The following MYO15A variants were observed in gnomAD, a reference collection of about 807,000 sequenced individuals.
MYO15A encodes the protein unconventional myosin-XV.
Under a neutral mutation model 394.6 loss-of-function variants are expected in MYO15A, and 308 were observed. That is an observed-to-expected ratio of 0.78 (90% CI 0.71 to 0.86). The LOEUF (loss-of-function observed/expected upper bound fraction) is 0.86. Ranked by LOEUF, MYO15A falls within the 40% of genes least tolerant of loss-of-function variation. The probability of loss-of-function intolerance (pLI) is 0.00; values close to 1 mark genes in which losing one functional copy is unlikely to be tolerated. For missense variants in MYO15A, 4,606 were observed against 4,799.1 expected (o/e 0.96, Z 1.19); for synonymous variants, 1,957 against 2,003.8 (o/e 0.98, Z 0.62).
In MYO15A at chr17:18,150,052, C is replaced by T. The variant is rs1473230669; in HGVS notation, c.7213-377C>T. On this transcript the variant is annotated intron_variant, in intron 35 of 65. Transcript: ENST00000647165. This position sits in a 1 kb window ranked among gnomAD's most constrained non-coding sequence, Gnocchi z 4.4. ...TCTCTATCTGGATGGAGTTGAATGACCTTGGTCCCCGGGTCTTCTAGCCCC... is the reference window on the plus strand; with the variant it reads ...TCTCTATCTGGATGGAGTTGAATGATCTTGGTCCCCGGGTCTTCTAGCCCC... 2 of 345,196 alleles carry T rather than the reference C, an allele frequency of 5.8e-6. No homozygotes were observed. The highest frequency in any genetic ancestry group is 1.1e-5 in the Non-Finnish European group (2 of 183,434). The allele number at this position is 345,196 out of a possible 1,614,324, so 21.4% of individuals were successfully genotyped here.
At chr17:18,113,454 A>T (rs989429304) in intron 1 of MYO15A, among the ~76,000 whole-genome samples, 3 of 152,156 alleles carry the variant, frequency 2.0e-5, no homozygotes, top group Admixed American at 1.3e-4. Flanking sequence ...ATATGGAAAT[A>T]AAAAAGCAAA....
In MYO15A at chr17:18,120,848, C is replaced by A. The variant is rs1229618490; in HGVS notation, c.2048C>A (p.Ala683Glu). 3.4e-6 allele frequency: 4 copies of A among 1,193,006 alleles called. No individual in the cohort carries two copies. Among genetic ancestry groups the A allele is most frequent in the Middle Eastern group, 7.0e-4 (2 of 2,860 alleles). 73.9% of individuals were successfully genotyped at this position (1,193,006 alleles called of 1,614,324 possible). Residue 683 changes from alanine to glutamate, a missense_variant, in exon 2 of 66, where the codon GCG becomes GAG. Around this residue, in one of 2 missense-constraint regions of MYO15A, gnomAD observed 1,830 missense variants for 1,689.7 expected, o/e 1.08. Transcript: ENST00000647165. Reference sequence around the variant, plus strand: ...CCGCCCGCGCCGCCGCTCTCCCCGGCGCTCTCGGGCCTGCCCCGGCCGGCC... The same window carrying A: ...CCGCCCGCGCCGCCGCTCTCCCCGGAGCTCTCGGGCCTGCCCCGGCCGGCC... ...GPPPAPPLSP[A>E]LSGLPRPASP...
chr17:18,140,940 C>T, intron 21 of MYO15A, 79 bp from the exon 22 acceptor site: 3 of 1,612,718 alleles, frequency 1.9e-6, no homozygotes, highest in Non-Finnish European at 2.5e-6. Context: ...CAGCCTAGCA[C>T]TGGGAATATT....
Position 18,173,924 on chromosome 17 carries a change from G to A in MYO15A, c.10491+3G>A, listed in dbSNP as rs1326118652. On this transcript the variant is annotated splice_donor_region_variant and intron_variant, in intron 65 of 65. Transcript: ENST00000647165. The stretch of plus-strand genomic sequence containing the variant: ...CCTTGCAGCTGCAGCTGGAGCAGGT[G>A]GGCCCAGCGCTAAGTCCAACATTCC... 6.2e-7 allele frequency: 1 copy of A among 1,612,820 alleles called. No individual in the cohort carries two copies. Among genetic ancestry groups the A allele is most frequent in the Non-Finnish European group, 8.5e-7 (1 of 1,179,722 alleles).
chr17:18,150,325 C>A lies in MYO15A; in HGVS notation c.7213-104C>A. ...CACTGAGCCAGTGGGAGGCTGCCCC[C>A]TCCCACGAGAGGGTGGGGAAGAGGC... On this transcript the variant is annotated intron_variant, in intron 35 of 65. Coordinates refer to ENST00000647165, the MANE Select transcript of MYO15A (RefSeq NM_016239.4). The surrounding 1 kb of genome is among the most constrained non-coding windows in gnomAD (Gnocchi z 4.4). 2 of 1,047,656 alleles carry A rather than the reference C, an allele frequency of 1.9e-6. No homozygotes were observed. The highest frequency in any genetic ancestry group is 2.5e-5 in the East Asian group (1 of 40,062). 64.9% of individuals were successfully genotyped at this position (1,047,656 alleles called of 1,614,324 possible).
At chr17:18,134,303 T>A (rs991794152) in intron 12 of MYO15A, among the ~76,000 whole-genome samples, 4 of 152,342 alleles carry the variant, frequency 2.6e-5, no homozygotes, top group Admixed American at 1.3e-4. Flanking sequence ...GGGTTTTTTA[T>A]GCAAATTGTT....
intron 47 of MYO15A, 68 bp from the exon 48 acceptor site, chr17:18,156,127 A>G: frequency 6.8e-6 from 11 of 1,611,644 alleles, no homozygotes; most frequent in Non-Finnish European, 9.3e-6. Context: ...CAGGATCAGA[A>G]GCAGCACAAT....
At chr17:18,170,899 G>T (rs902905612) in intron 62 of MYO15A, among the ~76,000 whole-genome samples, 1 of 152,196 alleles carries the variant, frequency 6.6e-6, no homozygotes, top group Non-Finnish European at 1.5e-5. Context: ...AATGGTGGGG[G>T]AACTAGAATC....
Position 18,136,429 on chromosome 17 carries a change from GAGA to G in MYO15A, c.4613_4615del (p.Lys1538del), listed in dbSNP as rs2046273010. 4 of 1,613,698 alleles carry G rather than the reference GAGA, an allele frequency of 2.5e-6. No homozygotes were observed. The highest frequency in any genetic ancestry group is 2.7e-5 in the African/African-American group (2 of 74,934). On this transcript the variant is annotated inframe_deletion, in exon 14 of 66. Coordinates refer to ENST00000647165, the MANE Select transcript of MYO15A (RefSeq NM_016239.4). ...TGCCCGTCCCTAGGAGACAATGCGA[GAGA>G]AGATCTTCACGCCCCTAACTGTGGA...
rs761521245 is a variant in MYO15A at position 18,148,845 on chromosome 17, G to A, written c.6849G>A (p.Val2283=). The A allele has an allele frequency of 6.2e-6, 10 of 1,607,588 alleles. No homozygotes were observed. Among genetic ancestry groups the A allele is most frequent in the Admixed American group, 3.4e-5 (2 of 59,360 alleles). The change falls in exon 33 of 66, where the codon GTG becomes GTA. Residue 2283 remains valine (V), a synonymous_variant. Coordinates refer to ENST00000647165, the MANE Select transcript of MYO15A (RefSeq NM_016239.4). The surrounding 1 kb of genome is among the most constrained non-coding windows in gnomAD (Gnocchi z 4.8). ...QWAELAGHDY[V]LDLVSDLELL... is the part of the protein sequence containing the mutation. ...CAGAGCTGGCTGGCCACGACTACGT[G>A]TTAGACCTGGTGTCGGACCTGGAGC...
chr17:18,150,228 G>A lies in MYO15A; in HGVS notation c.7213-201G>A, dbSNP rs1253789165. ...TACTCCTCTGGGGAAGAGGGGATGG[G>A]TTGGGAGCTCATATGGTTATGGATA... On this transcript the variant is annotated intron_variant, in intron 35 of 65. Transcript: ENST00000647165. The surrounding 1 kb of genome is among the most constrained non-coding windows in gnomAD (Gnocchi z 4.4). Among the ~76,000 whole-genome samples, 1 of 152,120 alleles carries A rather than the reference G, an allele frequency of 6.6e-6. No individual in the cohort carries two copies. The highest frequency in any genetic ancestry group is 1.5e-5 in the Non-Finnish European group (1 of 68,016).
At position 18,150,461 on chromosome 17, in the gene MYO15A, C is replaced by T. The variant is rs772535631; in HGVS notation, c.7245C>T (p.Arg2415=). The T allele has an allele frequency of 2.5e-6, 4 of 1,614,134 alleles. No individual in the cohort carries two copies. The Admixed American group carries it at 6.7e-5, about 27-fold the overall frequency. ...DLEKPTAIAY[R]MKGGGQPGGG... is the part of the protein sequence containing the mutation. ...AGAAGCCAACAGCCATTGCCTACCG[C>T]ATGAAAGGGGGAGGCCAGCCCGGTG... is the stretch of plus-strand genomic sequence containing the variant. The change falls in exon 36 of 66, where the codon CGC becomes CGT. Residue 2415 remains arginine, a synonymous_variant. Coordinates refer to ENST00000647165, the MANE Select transcript of MYO15A (RefSeq NM_016239.4). The surrounding 1 kb of genome is among the most constrained non-coding windows in gnomAD (Gnocchi z 4.4).
At chr17:18,126,266 GCCAGGCTC>G in intron 4 of MYO15A, 73 bp from the exon 5 acceptor site, 1 of 1,187,488 alleles carries the variant, frequency 8.4e-7, no homozygotes, top group Non-Finnish European at 1.3e-6. Flanking sequence ...GAAACAGGGA[GCCAGGCTC>G]CCAGCATAGG....
intron 60 of MYO15A, chr17:18,164,588 C>T (rs113381600): frequency 0.026 from 3,986 of 152,854 alleles, 194 homozygotes; most frequent in African/African-American, 0.09. Context: ...GCCTGTAATC[C>T]CAGCACTTTG....
chr17:18,149,303 TG>T lies in MYO15A; in HGVS notation c.7047del (p.Tyr2350ThrfsTer67). Reference protein sequence around the residue: ...EHMPKVLDSDGYSSHNQDGTN... With the variant: ...EHMPKVLDSDXYSSHNQDGTN... ...ACATGCCCAAAGTACTTGACTCTGA[TG>T]GGTACAGCAGCCACAATCAGGACGG... On this transcript the variant is annotated frameshift_variant, in exon 34 of 66. Coordinates refer to ENST00000647165, the MANE Select transcript of MYO15A (RefSeq NM_016239.4). LOFTEE classifies it high-confidence loss of function. 1.2e-6 allele frequency: 2 copies of T among 1,613,314 alleles called. No individual in the cohort carries two copies. Among genetic ancestry groups the T allele is most frequent in the Non-Finnish European group, 1.7e-6 (2 of 1,179,670 alleles).
intron 47 of MYO15A, 155 bp from the exon 48 acceptor site, chr17:18,156,040 G>A: frequency 8.7e-7 from 1 of 1,151,320 alleles, no homozygotes. Context: ...GTCAGAGAGG[G>A]GAAGCAGGAA....
chr17:18,159,784 G>T (rs1041161573), intron 55 of MYO15A, 105 bp downstream of exon 55: 2 of 1,474,324 alleles, frequency 1.4e-6, no homozygotes, highest in South Asian at 1.2e-5. Flanking sequence ...CCTCTCCCAT[G>T]GTCCAAAGAG....
chr17:18,157,356 TC>T, intron 50 of MYO15A, 126 bp downstream of exon 50: 2 of 1,318,408 alleles, frequency 1.5e-6, no homozygotes, highest in Non-Finnish European at 2.1e-6. Flanking sequence ...TCTCCTAAGG[TC>T]CAGCCGTGGC....
At chr17:18,157,452 G>A (rs2142387802) in intron 50 of MYO15A, 1 of 905,866 alleles carries the variant, frequency 1.1e-6, no homozygotes, top group Non-Finnish European at 1.7e-6. Context: ...TTTGTGGCCT[G>A]AATCTCTCTT....
Sources: allele counts gnomAD v4.1 joint callset (sites outside exome capture counted in the v4.1 genomes callset), GRCh38; gene constraint gnomAD v4.1.1; regional missense constraint gnomAD v4.1.1; non-coding constraint Gnocchi (gnomAD v3.1); transcripts MANE v1.5; gene names NCBI Gene and HGNC (gene_info 2026-07-23, HGNC 2026-07-21).